REEP3: variants seen among roughly 807,000 people sequenced by gnomAD.
REEP3 encodes receptor expression-enhancing protein 3.
In REEP3, 20 loss-of-function variants were observed where a neutral mutation model predicts 41.3. The ratio of observed to expected loss-of-function variants is 0.48; its 90% confidence interval spans 0.34 to 0.70. The LOEUF (loss-of-function observed/expected upper bound fraction) is 0.70. Ranked by LOEUF, REEP3 falls within the 30% of genes least tolerant of loss-of-function variation. The pLI is 0.01. For missense variants in REEP3, 271 were observed against 308.8 expected (o/e 0.88, Z 0.92); for synonymous variants, 104 against 101.8 (o/e 1.02, Z -0.13).
At chr10:63,597,936 T>C (rs1956131551) in intron 3 of REEP3, 88 bp from the exon 4 acceptor site, 2 of 1,160,942 alleles carry the variant, frequency 1.7e-6, no homozygotes, top group African/African-American at 3.1e-5. Flanking sequence ...AACAGCATAG[T>C]GACTGAACTT....
chr10:63,606,589 A>G (rs1035635630), intron 5 of REEP3, among the ~76,000 whole-genome samples: 2 of 152,140 alleles, frequency 1.3e-5, no homozygotes, highest in African/African-American at 4.8e-5. Flanking sequence ...TTAATATTAT[A>G]TAAATTAAAT....
intron 1 of REEP3, among the ~76,000 whole-genome samples, chr10:63,549,412 T>C (rs1489238990): frequency 6.6e-6 from 1 of 152,102 alleles, no homozygotes; most frequent in Non-Finnish European, 1.5e-5. Context: ...TACAAAAAAT[T>C]TGAAAGTTAG....
chr10:63,575,316 A>C (rs1955888701), intron 2 of REEP3, among the ~76,000 whole-genome samples: 1 of 151,978 alleles, frequency 6.6e-6, no homozygotes, highest in South Asian at 2.1e-4. Context: ...CTTGTGGGAT[A>C]TTTTCTATTT....
At chr10:63,600,594 T>G (rs1166945791) in intron 5 of REEP3, among the ~76,000 whole-genome samples, 2 of 152,208 alleles carry the variant, frequency 1.3e-5, no homozygotes, top group African/African-American at 4.8e-5. Context: ...GAAAATGCAT[T>G]CCTGATTTCC....
chr10:63,542,816 G>T (rs1304591420), intron 1 of REEP3, among the ~76,000 whole-genome samples: 1 of 152,130 alleles, frequency 6.6e-6, no homozygotes, highest in East Asian at 1.9e-4. Context: ...TTAACAGTTT[G>T]ACCGTAAGTC....
chr10:63,565,543 C>T (rs1437068841), intron 1 of REEP3, among the ~76,000 whole-genome samples: 1 of 152,144 alleles, frequency 6.6e-6, no homozygotes, highest in Non-Finnish European at 1.5e-5. Context: ...CAAGAATTGC[C>T]TTACAACTCT....
intron 5 of REEP3, among the ~76,000 whole-genome samples, chr10:63,605,093 A>C (rs1188770412): frequency 6.6e-6 from 1 of 152,208 alleles, no homozygotes; most frequent in African/African-American, 2.4e-5. Flanking sequence ...TCTAACAAAA[A>C]ATAGCAAGAG....
intron 2 of REEP3, among the ~76,000 whole-genome samples, chr10:63,573,444 GT>G (rs1401645941): frequency 6.6e-6 from 1 of 152,190 alleles, no homozygotes; most frequent in African/African-American, 2.4e-5. Flanking sequence ...GGAAACCAGT[GT>G]TCTTATTCTA....
At chr10:63,607,932 A>T (rs566314566) in intron 5 of REEP3, among the ~76,000 whole-genome samples, 1 of 152,302 alleles carries the variant, frequency 6.6e-6, no homozygotes, top group South Asian at 2.1e-4. Flanking sequence ...CCTGAAATGT[A>T]CCTTCTTGAG....
intron 3 of REEP3, among the ~76,000 whole-genome samples, chr10:63,596,534 G>A (rs1176778875): frequency 6.6e-6 from 1 of 152,044 alleles, no homozygotes; most frequent in Non-Finnish European, 1.5e-5. Context: ...TGCCCACCTT[G>A]ACAGAAGAAC....
chr10:63,554,050 G>A (rs182435652), intron 1 of REEP3, among the ~76,000 whole-genome samples: 1 of 151,692 alleles, frequency 6.6e-6, no homozygotes, highest in Admixed American at 6.6e-5. Flanking sequence ...TGCAGTGAGT[G>A]GAGATCGCAC....
intron 2 of REEP3, among the ~76,000 whole-genome samples, chr10:63,576,879 A>G (rs1267291956): frequency 2.0e-4 from 31 of 152,182 alleles, no homozygotes; most frequent in African/African-American, 2.4e-5. Context: ...CACCAGCCCT[A>G]TAGTAGGGCT....
rs373262807 is a variant in REEP3, at chr10:63,583,150, C to G, written c.106-11628C>G. On this transcript the variant is annotated intron_variant, in intron 2 of 7. Coordinates refer to ENST00000373758, the MANE Select transcript of REEP3 (RefSeq NM_001001330.3). ...GGGACTACAGGCGCCCACCACCACA[C>G]CCAGCTAATTTTTTGTATTTTTAGT... Among the ~76,000 whole-genome samples the G allele has an allele frequency of 5.9e-5, 9 of 152,218 alleles. No individual in the cohort carries two copies. The East Asian group carries it at 1.4e-3, about 23-fold the overall frequency.
intron 1 of REEP3, among the ~76,000 whole-genome samples, chr10:63,546,210 C>T (rs1444931808): frequency 6.6e-6 from 1 of 152,184 alleles, no homozygotes; most frequent in Non-Finnish European, 1.5e-5. Context: ...GTTTTAAAAG[C>T]TCTACTACAG....
At chr10:63,545,523 C>A (rs534505471) in intron 1 of REEP3, among the ~76,000 whole-genome samples, 1 of 151,564 alleles carries the variant, frequency 6.6e-6, no homozygotes, top group African/African-American at 2.4e-5. Context: ...TACAGGCACC[C>A]GCCACCATGC....
intron 1 of REEP3, among the ~76,000 whole-genome samples, chr10:63,545,659 C>T (rs1393180890): frequency 1.3e-5 from 2 of 150,432 alleles, no homozygotes; most frequent in South Asian, 2.1e-4. Flanking sequence ...AGGCATGAGC[C>T]ACTGCGCCTG....
rs945541882 is a variant in REEP3, at chr10:63,624,418, C to A, written c.*3549C>A. 1.3e-5 allele frequency: 2 copies of A among 151,948 alleles called. No homozygotes were observed. The highest frequency in any genetic ancestry group is 4.8e-5 in the African/African-American group (2 of 41,372). 9.4% of individuals were successfully genotyped at this position (151,948 alleles called of 1,614,324 possible). A position where few individuals can be genotyped will look rare whatever the true frequency, so the allele number is the denominator to read the frequency against. ...GACTTAACATTTTGCCTTCTAACAC[C>A]TTTTAAATCTATGTACTTTAATAGT... On this transcript the variant is annotated 3_prime_UTR_variant, in exon 8 of 8. Transcript: ENST00000373758.
chr10:63,606,998 C>G (rs1412888182), intron 5 of REEP3, among the ~76,000 whole-genome samples: 1 of 152,160 alleles, frequency 6.6e-6, no homozygotes, highest in Non-Finnish European at 1.5e-5. Flanking sequence ...GTTAATATAG[C>G]AAACATAGTT....
intron 2 of REEP3, among the ~76,000 whole-genome samples, chr10:63,584,596 A>T (rs981853613): frequency 6.6e-6 from 1 of 152,052 alleles, no homozygotes; most frequent in African/African-American, 2.4e-5. Flanking sequence ...TTTCTATTTG[A>T]TTTCTCACAT....
Sources: allele counts gnomAD v4.1 joint callset (sites outside exome capture counted in the v4.1 genomes callset), GRCh38; gene constraint gnomAD v4.1.1; transcripts MANE v1.5; gene names NCBI Gene and HGNC (gene_info 2026-07-23, HGNC 2026-07-21).